RASGRF2: variants seen among roughly 807,000 people sequenced by gnomAD.
The protein encoded by RASGRF2 is ras-specific guanine nucleotide-releasing factor 2.
Under a neutral mutation model 151.0 loss-of-function variants are expected in RASGRF2, and 76 were observed. That is an observed-to-expected ratio of 0.50 (90% CI 0.42 to 0.61). RASGRF2 has a LOEUF of 0.61. Among genes scored for constraint, RASGRF2 ranks in the 20% least tolerant of loss-of-function variants. The pLI, the probability that RASGRF2 is intolerant of heterozygous loss-of-function variation, is 0.00. For synonymous variants in RASGRF2, 504 were observed against 566.5 expected, an observed-to-expected ratio of 0.89 and a Z score of 1.57; for missense variants, 1,148 against 1,564.6, an observed-to-expected ratio of 0.73 and a Z score of 4.49.
At chr5:81,111,969 G>T (rs114388437) in intron 13 of RASGRF2, among the ~76,000 whole-genome samples, 1 of 152,134 alleles carries the variant, frequency 6.6e-6, no homozygotes, top group African/African-American at 2.4e-5. Context: ...TGCTTTAAGG[G>T]CATAAGCAAT....
intron 17 of RASGRF2, among the ~76,000 whole-genome samples, chr5:81,141,356 CAA>C (rs1753881316): frequency 6.6e-6 from 1 of 152,162 alleles, no homozygotes; most frequent in South Asian, 2.1e-4. Flanking sequence ...AATCTTATCT[CAA>C]AGGTCTGAGC....
At chr5:80,993,111 G>A (rs1041853222) in intron 1 of RASGRF2, among the ~76,000 whole-genome samples, 1 of 152,132 alleles carries the variant, frequency 6.6e-6, no homozygotes. Flanking sequence ...CTTTGCTAGA[G>A]GTTGATGGCA....
chr5:81,091,374 C>G (rs1445307059), intron 9 of RASGRF2, among the ~76,000 whole-genome samples: 3 of 152,174 alleles, frequency 2.0e-5, no homozygotes, highest in African/African-American at 7.2e-5. Flanking sequence ...TCACTCTCCT[C>G]TTGCCCATCC....
chr5:81,034,106 C>G (rs1417211871), intron 1 of RASGRF2, among the ~76,000 whole-genome samples: 1 of 152,026 alleles, frequency 6.6e-6, no homozygotes, highest in Non-Finnish European at 1.5e-5. Context: ...GAGATACCAT[C>G]TCACACCAGT....
intron 1 of RASGRF2, among the ~76,000 whole-genome samples, chr5:80,978,733 G>A (rs1748205910): frequency 6.6e-6 from 1 of 151,908 alleles, no homozygotes; most frequent in South Asian, 2.1e-4. Context: ...GCTGCAGTGA[G>A]CCAAGATCGT....
intron 1 of RASGRF2, among the ~76,000 whole-genome samples, chr5:81,030,202 T>C (rs751238731): frequency 1.2e-4 from 19 of 152,242 alleles, no homozygotes; most frequent in Non-Finnish European, 2.2e-4. Flanking sequence ...ATGGGGAGAA[T>C]GGAACCAAGT....
At chr5:81,087,693 T>TG (rs1338510785) in intron 9 of RASGRF2, 1 of 345,058 alleles carries the variant, frequency 2.9e-6, no homozygotes, top group East Asian at 4.9e-5. Context: ...TTAGGTCCTC[T>TG]GGGGGAGGGG....
At chr5:81,023,092 G>C (rs1335870270) in intron 1 of RASGRF2, among the ~76,000 whole-genome samples, 1 of 151,750 alleles carries the variant, frequency 6.6e-6, no homozygotes, top group Non-Finnish European at 1.5e-5. Context: ...GGTAGAGGGT[G>C]GGAGGGAGGG....
intron 23 of RASGRF2, among the ~76,000 whole-genome samples, chr5:81,215,145 C>T (rs901875289): frequency 4.3e-4 from 66 of 152,222 alleles, no homozygotes; most frequent in African/African-American, 1.6e-3. Context: ...TTGAGACCAG[C>T]CTGGCCAACA....
chr5:81,181,585 A>G (rs1334579540), intron 18 of RASGRF2, among the ~76,000 whole-genome samples: 1 of 152,190 alleles, frequency 6.6e-6, no homozygotes, highest in Non-Finnish European at 1.5e-5. Flanking sequence ...CAGATAAAAC[A>G]CTATAATGAG....
At chr5:81,153,710 C>A (rs1431814141) in intron 17 of RASGRF2, among the ~76,000 whole-genome samples, 1 of 151,948 alleles carries the variant, frequency 6.6e-6, no homozygotes, top group Non-Finnish European at 1.5e-5. Flanking sequence ...ATAAATAGAA[C>A]CATATCAAAT....
At chr5:81,208,566 T>G in intron 22 of RASGRF2, 128 bp downstream of exon 22, 1 of 448,830 alleles carries the variant, frequency 2.2e-6, no homozygotes, top group Non-Finnish European at 3.5e-6. Context: ...TTTTTTTTTT[T>G]TTTGAGACAG....
chr5:81,055,260 G>A (rs1215444581), intron 2 of RASGRF2, among the ~76,000 whole-genome samples: 1 of 152,076 alleles, frequency 6.6e-6, no homozygotes, highest in African/African-American at 2.4e-5. Context: ...ATTTGCTGTG[G>A]GTTTGTCATA....
chr5:81,146,413 A>G (rs566767504), intron 17 of RASGRF2, among the ~76,000 whole-genome samples: 28 of 152,138 alleles, frequency 1.8e-4, no homozygotes, highest in Non-Finnish European at 3.8e-4. Context: ...CCAGGGAGTT[A>G]GACTGGCCCA....
At position 81,229,353 on chromosome 5, in the gene RASGRF2, T is replaced by C. The variant is rs373821282; in HGVS notation, c.*3583T>C. On this transcript the variant is annotated 3_prime_UTR_variant, in exon 27 of 27. Transcript: ENST00000265080. ...AGGGAATCAATAAATAAAACTCTTT[T>C]TCATTTCAGTAAGAAATCAGATTGT... 15 of 152,350 alleles carry C rather than the reference T, an allele frequency of 9.8e-5. No homozygotes were observed. The East Asian group carries it at 2.7e-3, about 27-fold the overall frequency. The allele number at this position is 152,350 out of a possible 1,614,324, so 9.4% of individuals were successfully genotyped here. A position where few individuals can be genotyped will look rare whatever the true frequency, so the allele number is the denominator to read the frequency against.
At chr5:81,051,980 A>C (rs998911984) in intron 2 of RASGRF2, among the ~76,000 whole-genome samples, 1 of 152,044 alleles carries the variant, frequency 6.6e-6, no homozygotes, top group African/African-American at 2.4e-5. Context: ...CCTTACCAAC[A>C]CTTATTTTCG....
chr5:81,185,277 C>T (rs1180822701), intron 18 of RASGRF2, among the ~76,000 whole-genome samples: 6 of 152,188 alleles, frequency 3.9e-5, no homozygotes, highest in Non-Finnish European at 5.9e-5. Flanking sequence ...ATCCAGCTAG[C>T]CTCCGTGTTA....
At chr5:81,013,942 G>C (rs1005454232) in intron 1 of RASGRF2, among the ~76,000 whole-genome samples, 3 of 152,046 alleles carry the variant, frequency 2.0e-5, no homozygotes, top group Admixed American at 6.6e-5. Flanking sequence ...TAGTGAGAGT[G>C]AGAATGTTTT....
At chr5:81,167,603 G>A (rs767846139) in intron 17 of RASGRF2, among the ~76,000 whole-genome samples, 40 of 152,154 alleles carry the variant, frequency 2.6e-4, no homozygotes, top group Admixed American at 6.5e-4. Context: ...AAGTTCCAAC[G>A]CAGGGCACAG....
Sources: gnomAD v4.1 joint callset for allele counts (sites outside exome capture counted in the v4.1 genomes callset) on GRCh38, gnomAD v4.1.1 for gene constraint, MANE v1.5 for transcripts, NCBI Gene and HGNC (gene_info 2026-07-23, HGNC 2026-07-21) for gene names.